ATRNL1: variants seen among roughly 807,000 people sequenced by gnomAD.
ATRNL1 encodes the protein attractin like 1, also known as attractin-like protein 1.
In ATRNL1, 95 loss-of-function variants were observed where a neutral mutation model predicts 182.7. That is an observed-to-expected ratio of 0.52 (90% confidence interval 0.44 to 0.62). The LOEUF (loss-of-function observed/expected upper bound fraction) is 0.62. ATRNL1 is among the 20% of genes least tolerant of loss of function. The pLI is 0.00. For missense variants in ATRNL1, 1,471 were observed against 1,679.5 expected, an observed-to-expected ratio of 0.88 and a Z score of 2.17; for synonymous variants, 576 against 568.3, an observed-to-expected ratio of 1.01 and a Z score of -0.19.
chr10:115,194,307 A>T lies in ATRNL1; in HGVS notation c.1349-21390A>T, dbSNP rs561971958. 3.3e-5 allele frequency among the ~76,000 whole-genome samples: 5 copies of T among 152,018 alleles called. No homozygotes were observed. The East Asian group carries it at 9.7e-4, about 29-fold the overall frequency. On this transcript the variant is annotated intron_variant, in intron 8 of 28. Transcript: ENST00000355044. ...AAAAATGTGCTGTTGAAGTCCCAAG[A>T]TATTATTGTTTTGGGGTCTTCTCTC...
At chr10:115,741,454 C>T (rs1243927050) in intron 27 of ATRNL1, among the ~76,000 whole-genome samples, 1 of 151,998 alleles carries the variant, frequency 6.6e-6, no homozygotes, top group Non-Finnish European at 1.5e-5. Flanking sequence ...GCCACATTCA[C>T]CCAATGAGGA....
chr10:115,923,622 T>G (rs1953133477), intron 28 of ATRNL1, among the ~76,000 whole-genome samples: 1 of 152,212 alleles, frequency 6.6e-6, no homozygotes. Context: ...CCATGGTGTA[T>G]ATGTACCACA....
In ATRNL1 at chr10:115,927,685, C is replaced by A. The variant is rs557506777; in HGVS notation, c.4019-16973C>A. ...ACTGTTAAATGCTTCTTTATCCAAACCTTTTCACAGAGATACAAACTTGTA... is the reference window on the plus strand; with the variant it reads ...ACTGTTAAATGCTTCTTTATCCAAAACTTTTCACAGAGATACAAACTTGTA... On this transcript the variant is annotated intron_variant, in intron 28 of 28. Transcript: ENST00000355044. Among the ~76,000 whole-genome samples, 6 of 152,170 alleles carry A rather than the reference C, an allele frequency of 3.9e-5. No individual in the cohort carries two copies. In the East Asian group the frequency reaches 5.8e-4, roughly 15 times the overall value.
chr10:115,348,500 G>T (rs1592497822), intron 19 of ATRNL1, among the ~76,000 whole-genome samples: 1 of 152,038 alleles, frequency 6.6e-6, no homozygotes, highest in East Asian at 1.9e-4. Context: ...TTTTATGGCA[G>T]TATTATTTTT....
chr10:115,673,860 G>A (rs537451888), intron 26 of ATRNL1, among the ~76,000 whole-genome samples: 7 of 152,114 alleles, frequency 4.6e-5, no homozygotes, highest in East Asian at 3.9e-4. Context: ...ATCAGAAGAC[G>A]TGTAGCTTCT....
intron 26 of ATRNL1, among the ~76,000 whole-genome samples, chr10:115,610,489 T>C (rs1166148050): frequency 2.6e-5 from 4 of 152,170 alleles, no homozygotes; most frequent in African/African-American, 9.7e-5. Flanking sequence ...CTCCCCAAAA[T>C]GGTACTTGCA....
chr10:115,600,265 G>T (rs1246276058), intron 26 of ATRNL1, among the ~76,000 whole-genome samples: 1 of 152,102 alleles, frequency 6.6e-6, no homozygotes, highest in Non-Finnish European at 1.5e-5. Context: ...TTGAGTAAAT[G>T]CCTAATAGTA....
intron 5 of ATRNL1, among the ~76,000 whole-genome samples, chr10:115,130,656 G>C (rs1207653579): frequency 6.6e-6 from 1 of 152,064 alleles, no homozygotes; most frequent in African/African-American, 2.4e-5. Flanking sequence ...TGTATTTTAA[G>C]TGACTCTTTT....
intron 9 of ATRNL1, among the ~76,000 whole-genome samples, chr10:115,225,116 A>G (rs1849637358): frequency 1.3e-5 from 2 of 152,232 alleles, no homozygotes; most frequent in East Asian, 3.9e-4. Flanking sequence ...GATTCCAGCA[A>G]TTTAGAAAGA....
At chr10:115,857,061 C>A (rs150951518) in intron 28 of ATRNL1, among the ~76,000 whole-genome samples, 3 of 152,222 alleles carry the variant, frequency 2.0e-5, no homozygotes, top group Non-Finnish European at 4.4e-5. Context: ...GGATAAAAAT[C>A]TTTATAATGA....
intron 19 of ATRNL1, among the ~76,000 whole-genome samples, chr10:115,367,819 A>T (rs1181525740): frequency 6.9e-6 from 1 of 144,842 alleles, no homozygotes; most frequent in South Asian, 2.3e-4. Context: ...GGTGCCTCCC[A>T]GTTAGGCTGC....
chr10:115,573,153 C>T (rs1227328419), intron 26 of ATRNL1, among the ~76,000 whole-genome samples: 2 of 152,090 alleles, frequency 1.3e-5, no homozygotes, highest in African/African-American at 4.8e-5. Context: ...CATGTGGGCT[C>T]AAAGGGTGAG....
chr10:115,732,024 T>A lies in ATRNL1; in HGVS notation c.3903+4669T>A, dbSNP rs150683989. Among the ~76,000 whole-genome samples the A allele has an allele frequency of 1.6e-3, 248 of 152,364 alleles. 1 individual carries two copies. Among genetic ancestry groups the A allele is most frequent in the African/African-American group, 5.6e-3 (233 of 41,590 alleles). ...ATTCATTTCTATTGTCAAATGATAT[T>A]CCATTGTATGGATGTGGCACAGTTT... On this transcript the variant is annotated intron_variant, in intron 27 of 28. Transcript: ENST00000355044.
In ATRNL1 at chr10:115,518,577, C is replaced by T. The variant is rs572293283; in HGVS notation, c.3655-686C>T. Among the ~76,000 whole-genome samples the T allele has an allele frequency of 4.0e-5, 6 of 151,818 alleles. No individual in the cohort carries two copies. The South Asian group carries it at 6.2e-4, about 16-fold the overall frequency. On this transcript the variant is annotated intron_variant, in intron 24 of 28. Coordinates refer to ENST00000355044, the MANE Select transcript of ATRNL1 (RefSeq NM_207303.4). ...GGTAGATGCTTTTATTATTACCATTCGCATATGGGAAAACTGAGAAATAGA... is the reference window on the plus strand; with the variant it reads ...GGTAGATGCTTTTATTATTACCATTTGCATATGGGAAAACTGAGAAATAGA...
Position 115,144,234 on chromosome 10 carries a change from G to A in ATRNL1, c.829+14699G>A, listed in dbSNP as rs189338331. On this transcript the variant is annotated intron_variant, in intron 5 of 28. Transcript: ENST00000355044. ...GCGATCTCGGCTCACTGCAAGTTCC[G>A]CCTCCTGGGTTTACGCTATTCTCCT... Among the ~76,000 whole-genome samples the A allele has an allele frequency of 4.5e-3, 691 of 152,044 alleles. 4 individuals carry two copies. The highest frequency in any genetic ancestry group is 0.016 in the African/African-American group (663 of 41,492).
At chr10:115,926,989 C>G (rs1953256012) in intron 28 of ATRNL1, among the ~76,000 whole-genome samples, 1 of 152,092 alleles carries the variant, frequency 6.6e-6, no homozygotes, top group African/African-American at 2.4e-5. Flanking sequence ...GCCAATATCA[C>G]TGATGAACAT....
rs190429461 is a variant in ATRNL1 at position 115,555,368 on chromosome 10, A to G, written c.3795+5832A>G. Among the ~76,000 whole-genome samples the G allele has an allele frequency of 1.4e-4, 22 of 152,008 alleles. No homozygotes were observed. The East Asian group carries it at 3.9e-3, about 27-fold the overall frequency. On this transcript the variant is annotated intron_variant, in intron 26 of 28. Coordinates refer to ENST00000355044, the MANE Select transcript of ATRNL1 (RefSeq NM_207303.4). The stretch of plus-strand genomic sequence containing the variant: ...TTCTGAAAATATATCTTAAAGATAT[A>G]TATCTGCCTAGCTTTTCAAAGTATA...
At chr10:115,664,220 A>G (rs1009488174) in intron 26 of ATRNL1, among the ~76,000 whole-genome samples, 1 of 152,162 alleles carries the variant, frequency 6.6e-6, no homozygotes, top group Non-Finnish European at 1.5e-5. Context: ...GAAGCCTCAC[A>G]GTCAGTATTA....
intron 26 of ATRNL1, among the ~76,000 whole-genome samples, chr10:115,591,057 G>A (rs1289026585): frequency 1.3e-5 from 2 of 152,154 alleles, no homozygotes; most frequent in South Asian, 4.1e-4. Context: ...ACTATGAAAG[G>A]TTCTAGGTAC....
Sources: gnomAD v4.1 joint callset for allele counts (sites outside exome capture counted in the v4.1 genomes callset) on GRCh38, gnomAD v4.1.1 for gene constraint, MANE v1.5 for transcripts, NCBI Gene and HGNC (gene_info 2026-07-23, HGNC 2026-07-21) for gene names.